The following MOGAT1 variants were observed in gnomAD, a reference collection of about 807,000 sequenced individuals.
MOGAT1 encodes monoacylglycerol O-acyltransferase 1, also known as 2-acylglycerol O-acyltransferase 1.
In MOGAT1, 32 loss-of-function variants were observed where a neutral mutation model predicts 31.4. The observed-to-expected ratio is 1.02, with a 90% CI of 0.77 to 1.37. The LOEUF is 1.37. Among genes scored for constraint, MOGAT1 ranks in the 40% most tolerant of loss-of-function variants. The pLI is 0.00. For synonymous variants in MOGAT1, 145 were observed against 144.5 expected (o/e 1.00, Z -0.03); for missense variants, 426 against 402.0 (o/e 1.06, Z -0.51).
intron 5 of MOGAT1, among the ~76,000 whole-genome samples, chr2:222,698,199 T>C (rs947785928): frequency 6.6e-6 from 1 of 152,190 alleles, no homozygotes; most frequent in Admixed American, 6.5e-5. Flanking sequence ...TGGGGAGTAA[T>C]TGCTAACTTC....
chr2:222,685,976 C>T (rs1574971818), intron 1 of MOGAT1, among the ~76,000 whole-genome samples: 1 of 152,012 alleles, frequency 6.6e-6, no homozygotes, highest in Non-Finnish European at 1.5e-5. Flanking sequence ...AGCCGGGGTT[C>T]GGTTAGTGAA....
chr2:222,702,021 T>C (rs1692937417), intron 5 of MOGAT1, among the ~76,000 whole-genome samples: 1 of 152,218 alleles, frequency 6.6e-6, no homozygotes, highest in Non-Finnish European at 1.5e-5. Flanking sequence ...GCTAGGCAAA[T>C]GCAGGTTGGC....
rs777091846 is a variant in MOGAT1 at position 222,695,237 on chromosome 2, T to C, written c.802T>C (p.Phe268Leu). ...ALPLFHARGV[F>L]QYNFGLMTYR... ...GCCCCTGTTTCATGCCAGGGGAGTT[T>C]TTCAGTACAATTTTGGCCTAATGAC... Residue 268 changes from phenylalanine to leucine, a missense_variant, in exon 5 of 6, where the codon TTT (phenylalanine) becomes CTT (leucine). By Grantham distance (22) the Phe-to-Leu change is conservative. Coordinates refer to ENST00000446656, the MANE Select transcript of MOGAT1 (RefSeq NM_058165.3). The C allele has an allele frequency of 6.2e-7, 1 of 1,613,580 alleles. No homozygotes were observed. Among genetic ancestry groups the C allele is most frequent in the Non-Finnish European group, 8.5e-7 (1 of 1,179,784 alleles).
Position 222,694,545 on chromosome 2 carries a change from C to T in MOGAT1, c.653+9C>T, listed in dbSNP as rs1239225198. The T allele has an allele frequency of 1.2e-6, 2 of 1,610,796 alleles. No homozygotes were observed. The highest frequency in any genetic ancestry group is 1.7e-6 in the Non-Finnish European group (2 of 1,178,684). On this transcript the variant is annotated intron_variant, in intron 4 of 5. Transcript: ENST00000446656. The stretch of plus-strand genomic sequence containing the variant: ...ATTGCTTTGACCCATGGGTAAGTGG[C>T]TTTTTGTATAAAGTAGGGGGTCAGA...
intron 1 of MOGAT1, among the ~76,000 whole-genome samples, chr2:222,672,363 T>C (rs894710335): frequency 6.6e-6 from 1 of 152,154 alleles, no homozygotes; most frequent in Non-Finnish European, 1.5e-5. Flanking sequence ...CTTTCCCGTT[T>C]TGGAGATTTC....
rs1199117395 is a variant in MOGAT1 at position 222,695,214 on chromosome 2, C to T, written c.779C>T (p.Pro260Leu). 18 of 1,613,730 alleles carry T rather than the reference C, an allele frequency of 1.1e-5. No homozygotes were observed. Among genetic ancestry groups the T allele is most frequent in the Non-Finnish European group, 1.4e-5 (17 of 1,179,794 alleles). ...CAGAAGATCATGGGGTTTGCTTTGC[C>T]CCTGTTTCATGCCAGGGGAGTTTTT... The part of the protein sequence containing the change: ...KLQKIMGFAL[P>L]LFHARGVFQY... Residue 260 changes from proline to leucine, a missense_variant, in exon 5 of 6, where the codon CCC becomes CTC. By Grantham distance (98) the Pro-to-Leu change is moderately conservative. Transcript: ENST00000446656.
In MOGAT1 at chr2:222,709,858, A is replaced by T. The variant is rs1373710990; in HGVS notation, c.976A>T (p.Ile326Phe). 1.2e-6 allele frequency: 2 copies of T among 1,612,518 alleles called. No homozygotes were observed. Among genetic ancestry groups the T allele is most frequent in the South Asian group, 1.1e-5 (1 of 90,800 alleles). ...LFEEHKGKYG[I>F]PEHETLVLK is the part of the protein sequence containing the mutation. ...TGAGGAACACAAAGGAAAGTATGGC[A>T]TTCCAGAGCACGAGACTCTTGTTTT... is the stretch of plus-strand genomic sequence containing the variant. The change falls in exon 6 of 6, where the codon ATT becomes TTT. Residue 326 changes from isoleucine (I) to phenylalanine (F), a missense_variant. Coordinates refer to ENST00000446656, the MANE Select transcript of MOGAT1 (RefSeq NM_058165.3).
chr2:222,673,609 C>T (rs1038338832), intron 1 of MOGAT1, among the ~76,000 whole-genome samples: 2 of 152,134 alleles, frequency 1.3e-5, no homozygotes, highest in Non-Finnish European at 2.9e-5. Context: ...GCTAGCAGGA[C>T]GTGGTAGAGC....
chr2:222,686,566 G>A (rs962709457), intron 1 of MOGAT1, among the ~76,000 whole-genome samples: 1 of 152,190 alleles, frequency 6.6e-6, no homozygotes, highest in African/African-American at 2.4e-5. Flanking sequence ...AGAAAGCAGA[G>A]GAAGCAAAAT....
At chr2:222,690,212 GC>G in intron 3 of MOGAT1, among the ~76,000 whole-genome samples, 1 of 152,246 alleles carries the variant, frequency 6.6e-6, no homozygotes, top group Middle Eastern at 3.4e-3. Flanking sequence ...CGGAGATGGT[GC>G]CCCTGCACTT....
intron 5 of MOGAT1, among the ~76,000 whole-genome samples, chr2:222,695,858 C>T (rs1037182621): frequency 6.6e-6 from 1 of 151,922 alleles, no homozygotes; most frequent in African/African-American, 2.4e-5. Flanking sequence ...TTTGGTGCAC[C>T]CATCACTGGA....
rs748802589 is a variant in MOGAT1, at chr2:222,694,505, A to T, written c.622A>T (p.Lys208Ter). 1 of 1,613,844 alleles carries T rather than the reference A, an allele frequency of 6.2e-7. No homozygotes were observed. The highest frequency in any genetic ancestry group is 8.5e-7 in the Non-Finnish European group (1 of 1,179,810). ...GTTCACTCTGTTCATCCGCCAGCGGAAAGGATTTGTTAAAATTGCTTTGAC... is the reference window on the plus strand; with the variant it reads ...GTTCACTCTGTTCATCCGCCAGCGGTAAGGATTTGTTAAAATTGCTTTGAC... Reference protein sequence around the residue: ...GKFTLFIRQRKGFVKIALTHG... With the variant: ...GKFTLFIRQR The change falls in exon 4 of 6, where the codon AAA becomes TAA. Residue 208 changes from lysine to a stop codon, truncating the protein, a stop_gained. Transcript: ENST00000446656. LOFTEE classifies it high-confidence loss of function.
chr2:222,709,444 A>G (rs552987898), intron 5 of MOGAT1, among the ~76,000 whole-genome samples: 6 of 152,338 alleles, frequency 3.9e-5, no homozygotes, highest in Non-Finnish European at 8.8e-5. Flanking sequence ...GTGGACACAC[A>G]GCTATGTCCA....
intron 3 of MOGAT1, 94 bp downstream of exon 3, chr2:222,689,563 T>C (rs1692728275): frequency 8.2e-7 from 1 of 1,213,372 alleles, no homozygotes; most frequent in Non-Finnish European, 1.2e-6. Flanking sequence ...TTATGGTCTC[T>C]TAGAGTAAAA....
At chr2:222,692,250 A>T (rs1399756596) in intron 3 of MOGAT1, among the ~76,000 whole-genome samples, 2 of 152,230 alleles carry the variant, frequency 1.3e-5, no homozygotes, top group Non-Finnish European at 2.9e-5. Context: ...CTGGAGATAC[A>T]GAAGAGGAGA....
At chr2:222,676,895 A>G (rs919618886) in intron 1 of MOGAT1, among the ~76,000 whole-genome samples, 1 of 152,254 alleles carries the variant, frequency 6.6e-6, no homozygotes, top group Admixed American at 6.5e-5. Flanking sequence ...GTACTTTAGT[A>G]TCTAAAAATC....
intron 2 of MOGAT1, among the ~76,000 whole-genome samples, chr2:222,688,869 C>T (rs1232665073): frequency 6.6e-6 from 1 of 152,162 alleles, no homozygotes; most frequent in African/African-American, 2.4e-5. Flanking sequence ...ATAACAAACC[C>T]ACTTCTGTGA....
chr2:222,695,308 A>G lies in MOGAT1; in HGVS notation c.853+20A>G. ...CTGTTGGTATGTACATAAAATAACT[A>G]CAACTATTAGCTTACTTTAAGCAAT... On this transcript the variant is annotated intron_variant, in intron 5 of 5. Coordinates refer to ENST00000446656, the MANE Select transcript of MOGAT1 (RefSeq NM_058165.3). 3.3e-6 allele frequency: 5 copies of G among 1,525,800 alleles called. No individual in the cohort carries two copies. Among genetic ancestry groups the G allele is most frequent in the Non-Finnish European group, 4.5e-6 (5 of 1,112,318 alleles). The allele number at this position is 1,525,800 out of a possible 1,614,324, so 94.5% of individuals were successfully genotyped here. A position where few individuals can be genotyped will look rare whatever the true frequency, so the allele number is the denominator to read the frequency against.
intron 3 of MOGAT1, among the ~76,000 whole-genome samples, chr2:222,693,448 G>GTTTTTTTTTTTTTTTTTTTTTTTT: frequency 8.6e-6 from 1 of 116,190 alleles, no homozygotes; most frequent in Non-Finnish European, 1.9e-5. Flanking sequence ...CAAATGTCTT[G>GTTTTTTTTTTTTTTTTTTTTTTTT]TTTTTTTTTT....
Sources: gnomAD v4.1 joint callset for allele counts (sites outside exome capture counted in the v4.1 genomes callset) on GRCh38, gnomAD v4.1.1 for gene constraint, MANE v1.5 for transcripts, NCBI Gene and HGNC (gene_info 2026-07-23, HGNC 2026-07-21) for gene names.